ARB2A: variants seen among roughly 807,000 people sequenced by gnomAD.
The protein encoded by ARB2A is ARB2 cotranscriptional regulator A.
At chr5:93,638,202 C>T in the ARB2A span, among the ~76,000 whole-genome samples, 1 of 152,074 alleles carries the variant, frequency 6.6e-6, no homozygotes, top group East Asian at 1.9e-4. Flanking sequence ...CTGAATGTAA[C>T]AGTTTTCAGT....
chr5:94,072,562 C>A, the ARB2A span, among the ~76,000 whole-genome samples: 3 of 151,920 alleles, frequency 2.0e-5, no homozygotes, highest in African/African-American at 7.3e-5. Context: ...GGCACTATAG[C>A]AAAATGCAGG....
the ARB2A span, among the ~76,000 whole-genome samples, chr5:93,825,680 T>A: frequency 6.6e-6 from 1 of 152,150 alleles, no homozygotes; most frequent in Non-Finnish European, 1.5e-5. Flanking sequence ...GGATTTTTCA[T>A]AATATGCATT....
At chr5:93,798,632 T>C in the ARB2A span, among the ~76,000 whole-genome samples, 3 of 152,100 alleles carry the variant, frequency 2.0e-5, no homozygotes, top group African/African-American at 7.2e-5. Context: ...TTGTCAAGAA[T>C]GTTAGAAATT....
the ARB2A span, among the ~76,000 whole-genome samples, chr5:93,872,001 T>A: frequency 6.7e-6 from 1 of 148,216 alleles, no homozygotes; most frequent in Non-Finnish European, 1.5e-5. Context: ...CAGGCTGGAG[T>A]GCAGTGGCGT....
chr5:93,928,634 G>T, the ARB2A span, among the ~76,000 whole-genome samples: 1 of 152,220 alleles, frequency 6.6e-6, no homozygotes, highest in South Asian at 2.1e-4. Flanking sequence ...CCAGCTTTTA[G>T]ATCGTAAGAG....
chr5:93,664,245 TAA>T, the ARB2A span, among the ~76,000 whole-genome samples: 4 of 151,982 alleles, frequency 2.6e-5, no homozygotes, highest in African/African-American at 7.3e-5. Context: ...CATGCCTGGC[TAA>T]GTTTTTAAAA....
At chr5:93,831,153 C>G in the ARB2A span, among the ~76,000 whole-genome samples, 10 of 152,048 alleles carry the variant, frequency 6.6e-5, no homozygotes, top group Non-Finnish European at 1.2e-4. Flanking sequence ...TGCTGCTCAC[C>G]TCCTGTTCAG....
chr5:93,937,840 T>A, the ARB2A span, among the ~76,000 whole-genome samples: 1 of 152,162 alleles, frequency 6.6e-6, no homozygotes, highest in Admixed American at 6.5e-5. Context: ...TCTACCTTAC[T>A]TATAATACCC....
chr5:93,994,436 T>C, the ARB2A span, among the ~76,000 whole-genome samples: 12 of 152,280 alleles, frequency 7.9e-5, no homozygotes, highest in African/African-American at 2.6e-4. Flanking sequence ...TACTGTATGA[T>C]TTCACTTACA....
chr5:93,972,991 C>T, the ARB2A span, among the ~76,000 whole-genome samples: 4 of 151,860 alleles, frequency 2.6e-5, no homozygotes, highest in Non-Finnish European at 5.9e-5. Context: ...CTCTGTTGCC[C>T]GAGCTGGAAT....
the ARB2A span, among the ~76,000 whole-genome samples, chr5:93,631,797 TAGGGAG>T: frequency 2.5e-5 from 1 of 40,278 alleles, no homozygotes; most frequent in Non-Finnish European, 5.0e-5. Context: ...GGGAGGGGGA[TAGGGAG>T]AGGGGGAGAG....
the ARB2A span, among the ~76,000 whole-genome samples, chr5:93,837,930 G>A: frequency 6.6e-6 from 1 of 152,218 alleles, no homozygotes; most frequent in Non-Finnish European, 1.5e-5. Flanking sequence ...TGCATAGTAA[G>A]CAAATATTTT....
At chr5:93,741,092 C>T in the ARB2A span, 1 of 1,613,892 alleles carries the variant, frequency 6.2e-7, no homozygotes, top group Non-Finnish European at 8.5e-7. Flanking sequence ...TGGCTAAGCA[C>T]CTTCCCAAAC....
the ARB2A span, among the ~76,000 whole-genome samples, chr5:94,039,978 G>A: frequency 3.9e-5 from 6 of 152,226 alleles, no homozygotes; most frequent in African/African-American, 1.4e-4. Context: ...TGGGTTAGAG[G>A]CCCAACTTAG....
the ARB2A span, among the ~76,000 whole-genome samples, chr5:93,866,536 G>C: frequency 6.6e-6 from 1 of 152,142 alleles, no homozygotes. Flanking sequence ...AAAAAACAGA[G>C]GGATGAACTG....
chr5:93,997,880 A>T, the ARB2A span, among the ~76,000 whole-genome samples: 1 of 151,948 alleles, frequency 6.6e-6, no homozygotes, highest in African/African-American at 2.4e-5. Context: ...TGAATAAATT[A>T]ACTTCCAGAA....
the ARB2A span, among the ~76,000 whole-genome samples, chr5:93,958,119 CAAGAA>C: frequency 4.0e-5 from 6 of 151,764 alleles, no homozygotes; most frequent in East Asian, 1.2e-3. Flanking sequence ...TTCACTATTG[CAAGAA>C]AAGAAACCTT....
the ARB2A span, among the ~76,000 whole-genome samples, chr5:93,761,450 C>T: frequency 2.6e-5 from 4 of 152,342 alleles, no homozygotes; most frequent in South Asian, 2.1e-4. Flanking sequence ...CATGGAGCCT[C>T]GCTCATTGCT....
the ARB2A span, among the ~76,000 whole-genome samples, chr5:94,035,161 T>C: frequency 6.9e-6 from 1 of 145,298 alleles, no homozygotes; most frequent in African/African-American, 2.6e-5. Flanking sequence ...CCTGGCTTTT[T>C]ACTAAGCAAT....
Sources: allele counts gnomAD v4.1 joint callset (sites outside exome capture counted in the v4.1 genomes callset), GRCh38; gene constraint gnomAD v4.1.1; transcripts MANE v1.5; gene names NCBI Gene and HGNC (gene_info 2026-07-23, HGNC 2026-07-21).